Variants in LLPH observed in about 807,000 individuals in gnomAD.
LLPH encodes protein LLP homolog.
In LLPH, 5 loss-of-function variants were observed where a neutral mutation model predicts 13.3. That is an observed-to-expected ratio of 0.38 (90% CI 0.20 to 0.79). The LOEUF is 0.79. LLPH is among the 30% of genes least tolerant of loss of function. The pLI is 0.45. For missense variants in LLPH, 129 were observed against 152.1 expected (o/e 0.85, Z 0.80); for synonymous variants, 32 against 44.2 (o/e 0.72, Z 1.09).
chr12:66,129,627 C>G (rs956275353), intron 1 of LLPH, among the ~76,000 whole-genome samples: 1 of 152,098 alleles, frequency 6.6e-6, no homozygotes, highest in African/African-American at 2.4e-5. Flanking sequence ...CATTGTGATC[C>G]GCCCGCCTCG....
rs1402187900 is a variant in LLPH, at chr12:66,120,150, T to C, written c.*3690A>G. 1 of 152,208 alleles carries C rather than the reference T, an allele frequency of 6.6e-6. No homozygotes were observed. The highest frequency in any genetic ancestry group is 6.5e-5 in the Admixed American group (1 of 15,276). The allele number at this position is 152,208 out of a possible 1,614,324, so 9.4% of individuals were successfully genotyped here. A position where few individuals can be genotyped will look rare whatever the true frequency, so the allele number is the denominator to read the frequency against. The stretch of plus-strand genomic sequence containing the variant: ...AGCCCATTCCTAATGAAGTGTCACC[T>C]GAGGAAATCCAGTCTGCCTTAGGCC... On this transcript the variant is annotated 3_prime_UTR_variant, in exon 3 of 3. Coordinates refer to ENST00000266604, the MANE Select transcript of LLPH (RefSeq NM_032338.4).
Position 66,117,591 on chromosome 12 carries a change from A to G in LLPH, c.*6249T>C, listed in dbSNP as rs1300131136. ...TGACTACGGTTTATGGCTTTACTAT[A>G]CTTTTTATTTTAGAGTGTACTCCTT... On this transcript the variant is annotated 3_prime_UTR_variant, in exon 3 of 3. Transcript: ENST00000266604. 1 of 152,230 alleles carries G rather than the reference A, an allele frequency of 6.6e-6. No homozygotes were observed. Among genetic ancestry groups the G allele is most frequent in the Non-Finnish European group, 1.5e-5 (1 of 68,040 alleles). 9.4% of individuals were successfully genotyped at this position (152,230 alleles called of 1,614,324 possible).
At chr12:66,126,372 A>T (rs886957439) in intron 2 of LLPH, among the ~76,000 whole-genome samples, 2 of 151,756 alleles carry the variant, frequency 1.3e-5, no homozygotes, top group African/African-American at 4.8e-5. Context: ...AATTAAAAAT[A>T]TAAGAGAAAA....
chr12:66,125,218 G>A (rs752791063), intron 2 of LLPH, among the ~76,000 whole-genome samples: 1 of 152,258 alleles, frequency 6.6e-6, no homozygotes, highest in Non-Finnish European at 1.5e-5. Flanking sequence ...AAGAGCGGAA[G>A]AGAGAAGTAA....
At chr12:66,128,785 G>T in intron 2 of LLPH, 111 bp downstream of exon 2, 1 of 722,516 alleles carries the variant, frequency 1.4e-6, no homozygotes, top group Non-Finnish European at 2.3e-6. Flanking sequence ...ATTCAAGGCT[G>T]CAGGAAGCTA....
rs1216163142 is a variant in LLPH at position 66,123,779 on chromosome 12, C to T, written c.*61G>A. 6.4e-6 allele frequency: 10 copies of T among 1,565,362 alleles called. No homozygotes were observed. The highest frequency in any genetic ancestry group is 8.7e-7 in the Non-Finnish European group (1 of 1,154,832). On this transcript the variant is annotated 3_prime_UTR_variant, in exon 3 of 3. Coordinates refer to ENST00000266604, the MANE Select transcript of LLPH (RefSeq NM_032338.4). The stretch of plus-strand genomic sequence containing the variant: ...TGGTGGCAGTTGAAATCAAAGTATA[C>T]ATGTGTATACATTCTAATCCGTCAT...
chr12:66,124,069 C>G, intron 2 of LLPH, 51 bp from the exon 3 acceptor site: 1 of 1,255,634 alleles, frequency 8.0e-7, no homozygotes, highest in Non-Finnish European at 1.1e-6. Flanking sequence ...AAAAAACCAC[C>G]CTGTGAAAGC....
At chr12:66,124,347 T>A (rs1338917617) in intron 2 of LLPH, among the ~76,000 whole-genome samples, 1 of 152,232 alleles carries the variant, frequency 6.6e-6, no homozygotes, top group Non-Finnish European at 1.5e-5. Flanking sequence ...ACACCTTAGA[T>A]GTAATGAACT....
rs1306769949 is a variant in LLPH, at chr12:66,123,570, G to A, written c.*270C>T. On this transcript the variant is annotated 3_prime_UTR_variant, in exon 3 of 3. Transcript: ENST00000266604. ...AACAATTCTAACCATATTAATACCT[G>A]ACAGAACGTTGAGGCCTGATTATAA... is the stretch of plus-strand genomic sequence containing the variant. 2 of 429,884 alleles carry A rather than the reference G, an allele frequency of 4.7e-6. No homozygotes were observed. Among genetic ancestry groups the A allele is most frequent in the Non-Finnish European group, 4.1e-6 (1 of 242,770 alleles). 26.6% of individuals were successfully genotyped at this position (429,884 alleles called of 1,614,324 possible). A position where few individuals can be genotyped will look rare whatever the true frequency, so the allele number is the denominator to read the frequency against.
intron 1 of LLPH, among the ~76,000 whole-genome samples, chr12:66,129,943 T>C (rs1283570209): frequency 6.6e-6 from 1 of 152,174 alleles, no homozygotes; most frequent in Admixed American, 6.5e-5. Context: ...CTGCCTTTCT[T>C]CGAGTTCTTT....
intron 2 of LLPH, 29 bp downstream of exon 2, chr12:66,128,867 A>G: frequency 7.0e-7 from 1 of 1,425,502 alleles, no homozygotes; most frequent in Non-Finnish European, 9.6e-7. Context: ...AAAAAAAAAA[A>G]GAGAAAGAAA....
chr12:66,125,963 C>T (rs2870786), intron 2 of LLPH, among the ~76,000 whole-genome samples: 11,689 of 152,106 alleles, frequency 0.077, 1,031 homozygotes, highest in East Asian at 0.51. Flanking sequence ...AAGATATATG[C>T]CCATTAAGAA....
chr12:66,129,075 C>A lies in LLPH; in HGVS notation c.32G>T (p.Arg11Ile), dbSNP rs557013394. 1 of 1,612,342 alleles carries A rather than the reference C, an allele frequency of 6.2e-7. No individual in the cohort carries two copies. The highest frequency in any genetic ancestry group is 1.3e-5 in the African/African-American group (1 of 74,920). Residue 11 changes from arginine to isoleucine, a missense_variant, in exon 2 of 3, where the codon AGA becomes ATA. Coordinates refer to ENST00000266604, the MANE Select transcript of LLPH (RefSeq NM_032338.4). ...TTTTCTCTTTTCAGCACGCATCTTT[C>A]TTTTCCACTTACTCCGTAAGCTTTT... The part of the protein sequence containing the change: MAKSLRSKWK[R>I]KMRAEKRKKN...
intron 2 of LLPH, among the ~76,000 whole-genome samples, chr12:66,127,276 G>A (rs1264996986): frequency 3.3e-5 from 5 of 152,318 alleles, no homozygotes; most frequent in Non-Finnish European, 1.5e-5. Flanking sequence ...CAAATGCCCA[G>A]CAACCGTTGA....
intron 2 of LLPH, among the ~76,000 whole-genome samples, chr12:66,126,440 A>G (rs1409193687): frequency 6.6e-6 from 1 of 152,134 alleles, no homozygotes; most frequent in Non-Finnish European, 1.5e-5. Context: ...AACAAAATAA[A>G]TAGAAAACAG....
intron 2 of LLPH, among the ~76,000 whole-genome samples, chr12:66,125,484 G>T (rs560818554): frequency 1.3e-5 from 2 of 152,260 alleles, no homozygotes; most frequent in East Asian, 3.9e-4. Context: ...GAGCCAAATT[G>T]ATAACAAATA....
At chr12:66,129,342 C>A (rs561831222) in intron 1 of LLPH, among the ~76,000 whole-genome samples, 79 of 151,892 alleles carry the variant, frequency 5.2e-4, no homozygotes, top group African/African-American at 1.9e-3. Flanking sequence ...TGGTCATAAG[C>A]AAACTACAAA....
At chr12:66,125,213 C>T (rs1383087437) in intron 2 of LLPH, among the ~76,000 whole-genome samples, 4 of 152,072 alleles carry the variant, frequency 2.6e-5, no homozygotes, top group Non-Finnish European at 4.4e-5. Flanking sequence ...GGAACAAGAG[C>T]GGAAGAGAGA....
chr12:66,123,848 C>A lies in LLPH; in HGVS notation c.382G>T (p.Ala128Ser). ...TCCAAGGTTTTAAGAGTCTACCAGG[C>A]CAAACCCTTTGCCACTTTCACTGCT... ...AKAVKVAKGLAW is the reference protein window; with the variant it reads ...AKAVKVAKGLSW Residue 128 changes from alanine (A) to serine (S), a missense_variant, in exon 3 of 3, where the codon GCC (alanine) becomes TCC (serine). Physicochemically the swap from Ala to Ser is moderately conservative, Grantham distance 99 (BLOSUM62 1). Coordinates refer to ENST00000266604, the MANE Select transcript of LLPH (RefSeq NM_032338.4). 6.2e-7 allele frequency: 1 copy of A among 1,610,744 alleles called. No homozygotes were observed. The highest frequency in any genetic ancestry group is 8.5e-7 in the Non-Finnish European group (1 of 1,179,794).
Sources: allele counts gnomAD v4.1 joint callset (sites outside exome capture counted in the v4.1 genomes callset), GRCh38; gene constraint gnomAD v4.1.1; transcripts MANE v1.5; gene names NCBI Gene and HGNC (gene_info 2026-07-23, HGNC 2026-07-21).